STK24: variants seen among roughly 807,000 people sequenced by gnomAD.
The protein encoded by STK24 is serine/threonine-protein kinase 24.
Under a neutral mutation model 55.6 loss-of-function variants are expected in STK24, and 21 were observed. That is an observed-to-expected ratio of 0.38 (90% CI 0.27 to 0.54). The LOEUF (loss-of-function observed/expected upper bound fraction) is 0.54, where lower values mean the gene tolerates loss of function less well. Among genes scored for constraint, STK24 ranks in the 20% least tolerant of loss-of-function variants. The pLI, the probability that STK24 is intolerant of heterozygous loss-of-function variation, is 0.79. For synonymous variants in STK24, 200 were observed against 215.2 expected (o/e 0.93, Z 0.62); for missense variants, 383 against 538.4 (o/e 0.71, Z 2.86).
intron 5 of STK24, among the ~76,000 whole-genome samples, chr13:98,467,338 T>C (rs1009331416): frequency 3.9e-5 from 6 of 152,196 alleles, no homozygotes; most frequent in African/African-American, 1.4e-4. Flanking sequence ...TACAGACTTT[T>C]TACTACCTAT....
chr13:98,537,734 T>C (rs1302314726), intron 1 of STK24, among the ~76,000 whole-genome samples: 1 of 152,156 alleles, frequency 6.6e-6, no homozygotes, highest in Non-Finnish European at 1.5e-5. Context: ...CTCAGTGTAG[T>C]GCAGGGGCTG....
intron 2 of STK24, among the ~76,000 whole-genome samples, chr13:98,493,980 A>C (rs578147430): frequency 6.6e-6 from 1 of 151,078 alleles, no homozygotes; most frequent in Admixed American, 6.6e-5. Context: ...GTAGCTGGGA[A>C]TACAGGTGCC....
chr13:98,460,560 G>GGGTGTTTCCTCAGCGT, intron 8 of STK24, 120 bp from the exon 9 acceptor site: 2 of 747,692 alleles, frequency 2.7e-6, no homozygotes, highest in Non-Finnish European at 4.6e-6. Context: ...TTCACGCTGA[G>GGGTGTTTCCTCAGCGT]GAAACACCCT....
chr13:98,484,403 C>A (rs556011845), intron 2 of STK24, among the ~76,000 whole-genome samples: 4 of 152,174 alleles, frequency 2.6e-5, no homozygotes, highest in African/African-American at 9.7e-5. Context: ...ATTTTCTGGG[C>A]ATTAAGTCTG....
At chr13:98,455,600 G>C (rs562701335) in intron 10 of STK24, 1 of 152,408 alleles carries the variant, frequency 6.6e-6, no homozygotes, top group African/African-American at 2.4e-5. Context: ...CACTGGTACA[G>C]ATCAACTTGC....
chr13:98,496,608 G>GC (rs1295819690), intron 2 of STK24, among the ~76,000 whole-genome samples: 1 of 152,174 alleles, frequency 6.6e-6, no homozygotes, highest in Non-Finnish European at 1.5e-5. Context: ...AGAACACTGT[G>GC]CCCCCTCTTC....
chr13:98,459,701 C>T (rs529591908), intron 9 of STK24, among the ~76,000 whole-genome samples: 10 of 152,378 alleles, frequency 6.6e-5, no homozygotes, highest in African/African-American at 1.9e-4. Flanking sequence ...CAAACAGATG[C>T]GTGTGTGGCC....
rs753051598 is a variant in STK24 at position 98,461,789 on chromosome 13, G to C, written c.1038C>G (p.Asp346Glu). The C allele has an allele frequency of 6.2e-7, 1 of 1,614,108 alleles. No individual in the cohort carries two copies. Among genetic ancestry groups the C allele is most frequent in the Non-Finnish European group, 8.5e-7 (1 of 1,179,962 alleles). ...NLENGALQPS[D>E]LDRNKMKDIP... Reference sequence around the variant, plus strand: ...GCAGACGTACCTTATTTCTGTCCAAGTCCGATGGCTGAAGAGCTCCATTCT... The same window carrying C: ...GCAGACGTACCTTATTTCTGTCCAACTCCGATGGCTGAAGAGCTCCATTCT... The change falls in exon 8 of 11, where the codon GAC becomes GAG. Residue 346 changes from aspartate (D) to glutamate (E), a missense_variant. Physicochemically the swap from Asp to Glu is conservative, Grantham distance 45. Coordinates refer to ENST00000539966, the MANE Select transcript of STK24 (RefSeq NM_001032296.4).
At chr13:98,551,285 C>CAAAAA (rs35925473) in intron 1 of STK24, among the ~76,000 whole-genome samples, 126 of 119,786 alleles carry the variant, frequency 1.1e-3, no homozygotes, top group African/African-American at 3.6e-3. Flanking sequence ...GACTCTGTCT[C>CAAAAA]AAAAAAAAAA....
At chr13:98,480,746 T>C (rs2139300280) in intron 3 of STK24, among the ~76,000 whole-genome samples, 1 of 152,352 alleles carries the variant, frequency 6.6e-6, no homozygotes, top group African/African-American at 2.4e-5. Flanking sequence ...AAAAGTTTCA[T>C]TTTATTCTAG....
Position 98,453,036 on chromosome 13 carries a change from C to T in STK24, c.*137G>A, listed in dbSNP as rs757524944. On this transcript the variant is annotated 3_prime_UTR_variant, in exon 11 of 11. Coordinates refer to ENST00000539966, the MANE Select transcript of STK24 (RefSeq NM_001032296.4). ...AGTGAAGACTGTGTGTGTCCCTGGA[C>T]GGGCGCCTGGCGCTGGGGTGGCTCC... 37 of 899,194 alleles carry T rather than the reference C, an allele frequency of 4.1e-5. No individual in the cohort carries two copies. Among genetic ancestry groups the T allele is most frequent in the African/African-American group, 1.7e-4 (10 of 59,716 alleles). The allele number at this position is 899,194 out of a possible 1,614,324, so 55.7% of individuals were successfully genotyped here.
intron 3 of STK24, among the ~76,000 whole-genome samples, chr13:98,478,314 G>C (rs1894460767): frequency 6.6e-6 from 1 of 152,188 alleles, no homozygotes; most frequent in Non-Finnish European, 1.5e-5. Context: ...TCTGTAACAG[G>C]GACTATTGGC....
At chr13:98,546,810 TTG>T (rs1466495058) in intron 1 of STK24, among the ~76,000 whole-genome samples, 1 of 152,096 alleles carries the variant, frequency 6.6e-6, no homozygotes, top group Non-Finnish European at 1.5e-5. Context: ...CATGAACTCC[TTG>T]TGTTTGTCAT....
intron 1 of STK24, among the ~76,000 whole-genome samples, chr13:98,537,901 G>C (rs1268904093): frequency 6.6e-6 from 1 of 152,104 alleles, no homozygotes; most frequent in Non-Finnish European, 1.5e-5. Flanking sequence ...CAGGGCTGTG[G>C]GATGAACCTG....
Position 98,446,759 on chromosome 13 carries a change from C to T in STK24, c.*6414G>A. On this transcript the variant is annotated 3_prime_UTR_variant, in exon 11 of 11. Coordinates refer to ENST00000539966, the MANE Select transcript of STK24 (RefSeq NM_001032296.4). The stretch of plus-strand genomic sequence containing the variant: ...CATCCAGAAAGACTACGTGTTCAAG[C>T]TGCACTTCAAGTCCCACGTCTACTA... 2 of 1,614,194 alleles carry T rather than the reference C, an allele frequency of 1.2e-6. No homozygotes were observed. Among genetic ancestry groups the T allele is most frequent in the Non-Finnish European group, 1.7e-6 (2 of 1,180,030 alleles).
chr13:98,500,702 C>G (rs1235350185), intron 2 of STK24, among the ~76,000 whole-genome samples: 5 of 151,182 alleles, frequency 3.3e-5, no homozygotes, highest in Non-Finnish European at 7.4e-5. Flanking sequence ...CACCTCGCCC[C>G]TTCCTTCCCC....
At chr13:98,526,228 G>A (rs1329461759) in intron 1 of STK24, among the ~76,000 whole-genome samples, 2 of 152,208 alleles carry the variant, frequency 1.3e-5, no homozygotes, top group Non-Finnish European at 2.9e-5. Flanking sequence ...TTGTCAAGCT[G>A]TATGTATAAT....
chr13:98,567,512 CAAAA>C (rs1897617493), intron 1 of STK24, among the ~76,000 whole-genome samples: 1 of 151,952 alleles, frequency 6.6e-6, no homozygotes, highest in African/African-American at 2.4e-5. Context: ...ATCTTGGGAC[CAAAA>C]AAATGAGAGA....
chr13:98,451,562 C>T lies in STK24; in HGVS notation c.*1611G>A, dbSNP rs1304744239. 1 of 152,184 alleles carries T rather than the reference C, an allele frequency of 6.6e-6. No individual in the cohort carries two copies. The highest frequency in any genetic ancestry group is 1.5e-5 in the Non-Finnish European group (1 of 68,042). The allele number at this position is 152,184 out of a possible 1,614,324, so 9.4% of individuals were successfully genotyped here. On this transcript the variant is annotated 3_prime_UTR_variant, in exon 11 of 11. Coordinates refer to ENST00000539966, the MANE Select transcript of STK24 (RefSeq NM_001032296.4). ...CCGACACAATAACCCACTCAAGCATCTGTAGCTCAGGGCTCTGTCCCCTCC... is the reference window on the plus strand; with the variant it reads ...CCGACACAATAACCCACTCAAGCATTTGTAGCTCAGGGCTCTGTCCCCTCC...
Sources: gnomAD v4.1 joint callset for allele counts (sites outside exome capture counted in the v4.1 genomes callset) on GRCh38, gnomAD v4.1.1 for gene constraint, MANE v1.5 for transcripts, NCBI Gene and HGNC (gene_info 2026-07-23, HGNC 2026-07-21) for gene names.